The following ARHGAP18 variants were observed in gnomAD, a reference collection of about 807,000 sequenced individuals.
ARHGAP18 encodes the protein Rho GTPase activating protein 18, also known as rho GTPase-activating protein 18.
A neutral mutation model predicts 86.2 loss-of-function variants in ARHGAP18; 67 were observed. The observed-to-expected ratio is 0.78, with a 90% confidence interval of 0.64 to 0.95. The LOEUF (loss-of-function observed/expected upper bound fraction) is 0.95. Among genes scored for constraint, ARHGAP18 ranks in the 40% least tolerant of loss-of-function variants. ARHGAP18 has a pLI of 0.00. For synonymous variants in ARHGAP18, 283 were observed against 280.4 expected (o/e 1.01, Z -0.09); for missense variants, 691 against 780.4 (o/e 0.89, Z 1.37).
intron 3 of ARHGAP18, among the ~76,000 whole-genome samples, chr6:129,637,814 T>G (rs1010274169): frequency 1.3e-5 from 2 of 152,226 alleles, no homozygotes; most frequent in Non-Finnish European, 1.5e-5. Context: ...GTGCTGTGAT[T>G]CTGGGGGCTG....
At chr6:129,617,022 C>T (rs190487443) in intron 6 of ARHGAP18, among the ~76,000 whole-genome samples, 2 of 152,282 alleles carry the variant, frequency 1.3e-5, no homozygotes, top group Admixed American at 1.3e-4. Context: ...CTTTACAATA[C>T]AGCAAAATAC....
intron 1 of ARHGAP18, 140 bp from the exon 2 acceptor site, chr6:129,642,158 A>T: frequency 1.4e-6 from 1 of 727,216 alleles, no homozygotes. Flanking sequence ...TATATTTTGG[A>T]ACAGTTTACT....
chr6:129,644,236 T>C (rs905864522), intron 1 of ARHGAP18, among the ~76,000 whole-genome samples: 3 of 152,172 alleles, frequency 2.0e-5, no homozygotes, highest in African/African-American at 7.2e-5. Context: ...CTGGCCTCAA[T>C]CGTCCTGTTT....
intron 5 of ARHGAP18, among the ~76,000 whole-genome samples, chr6:129,621,451 G>A (rs891529527): frequency 1.3e-5 from 2 of 152,114 alleles, no homozygotes; most frequent in African/African-American, 4.8e-5. Context: ...TTTCCAGCAG[G>A]GGGCAGGATG....
Position 129,580,168 on chromosome 6 carries a change from C to A in ARHGAP18, c.1839-37G>T, listed in dbSNP as rs760157465. On this transcript the variant is annotated intron_variant, in intron 13 of 14. Transcript: ENST00000368149. ...AAAACAAACCGATTAGTTGTATCAT[C>A]AAACAGCTTGCAAGTAAATCACTTT... 4 of 1,570,932 alleles carry A rather than the reference C, an allele frequency of 2.5e-6. No individual in the cohort carries two copies. The South Asian group carries it at 3.4e-5, about 13-fold the overall frequency.
At chr6:129,583,135 A>G (rs1032103785) in intron 13 of ARHGAP18, among the ~76,000 whole-genome samples, 3 of 152,212 alleles carry the variant, frequency 2.0e-5, no homozygotes, top group African/African-American at 7.2e-5. Context: ...GAGGAGATTA[A>G]ATTCAATGAA....
intron 1 of ARHGAP18, among the ~76,000 whole-genome samples, chr6:129,687,901 T>C (rs904883258): frequency 7.2e-5 from 11 of 152,142 alleles, no homozygotes; most frequent in Admixed American, 3.3e-4. Flanking sequence ...AGTTAACCAA[T>C]AAGGGTAGAT....
At position 129,618,743 on chromosome 6, in the gene ARHGAP18, T is replaced by A; in HGVS notation, c.896A>T (p.Tyr299Phe). 6.2e-7 allele frequency: 1 copy of A among 1,613,726 alleles called. No homozygotes were observed. Among genetic ancestry groups the A allele is most frequent in the Non-Finnish European group, 8.5e-7 (1 of 1,179,884 alleles). ...HLALIELTAL[Y>F]DVLGIELKQQ... ...TTTCAGCTCAATACCCAATACATCA[T>A]AGAGGGCAGTCAGCTCAATTAGGGC... Residue 299 changes from tyrosine (Y) to phenylalanine (F), a missense_variant, in exon 6 of 15, where the codon TAT becomes TTT. By Grantham distance (22) the Tyr-to-Phe change is conservative. Coordinates refer to ENST00000368149, the MANE Select transcript of ARHGAP18 (RefSeq NM_033515.3).
In ARHGAP18 at chr6:129,625,518, A is replaced by G. The variant is rs1289040556; in HGVS notation, c.786+3835T>C. Among the ~76,000 whole-genome samples the G allele has an allele frequency of 3.9e-3, 221 of 56,054 alleles. 16 individuals carry two copies. The highest frequency in any genetic ancestry group is 0.015 in the African/African-American group (220 of 14,934). The allele number at this position is 56,054 out of a possible 152,430, so 36.8% of individuals were successfully genotyped here. On this transcript the variant is annotated intron_variant, in intron 5 of 14. Coordinates refer to ENST00000368149, the MANE Select transcript of ARHGAP18 (RefSeq NM_033515.3). The stretch of plus-strand genomic sequence containing the variant: ...ATAATATATATTTTATATATCATAT[A>G]TATTATAACTATACATTATATATTA...
intron 1 of ARHGAP18, among the ~76,000 whole-genome samples, chr6:129,700,142 G>C (rs1774688023): frequency 6.6e-6 from 1 of 152,130 alleles, no homozygotes. Context: ...ATCAAGAACA[G>C]CTGTTTTATA....
At chr6:129,588,121 C>CTTT (rs398066269) in intron 12 of ARHGAP18, among the ~76,000 whole-genome samples, 43,092 of 142,082 alleles carry the variant, frequency 0.3, 7,988 homozygotes, top group African/African-American at 0.52. Context: ...GTCACCAAAT[C>CTTT]TTTTTTTTTT....
chr6:129,683,132 C>T (rs1015248202), intron 1 of ARHGAP18, among the ~76,000 whole-genome samples: 1 of 149,400 alleles, frequency 6.7e-6, no homozygotes, highest in Non-Finnish European at 1.5e-5. Context: ...ACTGCAGTGG[C>T]GTGATCTCGG....
chr6:129,665,687 C>T (rs867442726), intron 1 of ARHGAP18, among the ~76,000 whole-genome samples: 2 of 152,138 alleles, frequency 1.3e-5, no homozygotes, highest in Non-Finnish European at 2.9e-5. Context: ...TAGAGCAGAG[C>T]AGAAGAGGTT....
chr6:129,641,810 TA>T lies in ARHGAP18; in HGVS notation c.316+5del, dbSNP rs772500086. 2 of 1,609,866 alleles carry T rather than the reference TA, an allele frequency of 1.2e-6. No individual in the cohort carries two copies. The highest frequency in any genetic ancestry group is 1.7e-6 in the Non-Finnish European group (2 of 1,177,106). On this transcript the variant is annotated splice_donor_5th_base_variant and intron_variant, in intron 2 of 14. Coordinates refer to ENST00000368149, the MANE Select transcript of ARHGAP18 (RefSeq NM_033515.3). The stretch of plus-strand genomic sequence containing the variant: ...ACAACAAAAGCTTTATTTAGTTAGT[TA>T]TTACCATCAGGCTCTTTGACAACAA...
intron 10 of ARHGAP18, among the ~76,000 whole-genome samples, chr6:129,601,623 G>T (rs1230717192): frequency 1.4e-5 from 2 of 146,078 alleles, no homozygotes; most frequent in African/African-American, 4.9e-5. Context: ...AGACCAAAGA[G>T]AATCTTTCTT....
chr6:129,615,366 AT>A (rs1404599582), intron 7 of ARHGAP18, among the ~76,000 whole-genome samples: 3 of 152,322 alleles, frequency 2.0e-5, no homozygotes, highest in Non-Finnish European at 4.4e-5. Context: ...GCAGGTTTGA[AT>A]GTAGTGGTAG....
At chr6:129,584,801 C>A (rs148793407) in intron 12 of ARHGAP18, among the ~76,000 whole-genome samples, 96 of 152,186 alleles carry the variant, frequency 6.3e-4, no homozygotes, top group African/African-American at 2.1e-3. Context: ...AAAATAAATA[C>A]TATTATTTAT....
intron 1 of ARHGAP18, among the ~76,000 whole-genome samples, chr6:129,666,508 C>T (rs2114523449): frequency 6.6e-6 from 1 of 152,276 alleles, no homozygotes; most frequent in Admixed American, 6.5e-5. Context: ...CTCATCAAAC[C>T]ACCTTTGGAG....
intron 3 of ARHGAP18, among the ~76,000 whole-genome samples, chr6:129,635,547 A>C (rs1261765086): frequency 6.6e-6 from 1 of 152,226 alleles, no homozygotes; most frequent in Non-Finnish European, 1.5e-5. Context: ...AAAAGAACAC[A>C]TATTTTGGAG....
Sources: allele counts gnomAD v4.1 joint callset (sites outside exome capture counted in the v4.1 genomes callset), GRCh38; gene constraint gnomAD v4.1.1; transcripts MANE v1.5; gene names NCBI Gene and HGNC (gene_info 2026-07-23, HGNC 2026-07-21).